Variants in ERC2 observed in about 807,000 individuals in gnomAD.
ERC2 encodes the protein ERC protein 2.
In ERC2, 42 loss-of-function variants were observed where a neutral mutation model predicts 114.8. The ratio of observed to expected loss-of-function variants is 0.37; its 90% CI spans 0.29 to 0.47. The LOEUF is 0.47. Ranked by LOEUF, ERC2 falls within the 20% of genes least tolerant of loss-of-function variation. ERC2 has a pLI of 0.99. For synonymous variants in ERC2, 454 were observed against 425.5 expected, an observed-to-expected ratio of 1.07 and a Z score of -0.82; for missense variants, 939 against 1,150.7, an observed-to-expected ratio of 0.82 and a Z score of 2.66.
intron 3 of ERC2, among the ~76,000 whole-genome samples, chr3:56,212,166 G>A (rs1164555586): frequency 6.6e-6 from 1 of 151,996 alleles, no homozygotes; most frequent in Non-Finnish European, 1.5e-5. Flanking sequence ...AATAAACAGA[G>A]AACTGACAGA....
At chr3:55,628,336 C>T (rs1225017504) in intron 17 of ERC2, among the ~76,000 whole-genome samples, 2 of 112,936 alleles carry the variant, frequency 1.8e-5, no homozygotes, top group African/African-American at 3.8e-5. Context: ...ACTAGTGTGA[C>T]TGAGAAACTG....
At chr3:56,002,736 G>A (rs1576521094) in intron 10 of ERC2, among the ~76,000 whole-genome samples, 1 of 152,148 alleles carries the variant, frequency 6.6e-6, no homozygotes, top group African/African-American at 2.4e-5. Context: ...ATATTGAATT[G>A]TTTGCTATTT....
chr3:55,742,261 C>A (rs999443376), intron 14 of ERC2, among the ~76,000 whole-genome samples: 4 of 152,146 alleles, frequency 2.6e-5, no homozygotes, highest in African/African-American at 9.7e-5. Context: ...TTATCACAGT[C>A]CATTTAAAAG....
chr3:56,436,536 T>C (rs1244471260), intron 1 of ERC2, among the ~76,000 whole-genome samples: 1 of 152,176 alleles, frequency 6.6e-6, no homozygotes, highest in Admixed American at 6.5e-5. Context: ...CTTAGAGAAA[T>C]TGTTCCCAAC....
At chr3:56,075,948 C>T (rs1347220254) in intron 7 of ERC2, among the ~76,000 whole-genome samples, 5 of 152,024 alleles carry the variant, frequency 3.3e-5, no homozygotes, top group Non-Finnish European at 7.4e-5. Flanking sequence ...CCAGAAGAAA[C>T]TCAGTAATCC....
rs1174593214 is a variant in ERC2 at position 55,891,428 on chromosome 3, T to C, written c.2404-2879A>G. The stretch of plus-strand genomic sequence containing the variant: ...CTGGCCTATCTTCACTGGTGAACTG[T>C]CTGGTTCTATTTTTTTTTTTTTTTT... On this transcript the variant is annotated intron_variant, in intron 13 of 17. Coordinates refer to ENST00000288221, the MANE Select transcript of ERC2 (RefSeq NM_015576.3). 5.4e-5 allele frequency among the ~76,000 whole-genome samples: 8 copies of C among 149,460 alleles called. No individual in the cohort carries two copies. The South Asian group carries it at 1.5e-3, about 28-fold the overall frequency.
At chr3:55,926,021 A>G (rs973265341) in intron 13 of ERC2, among the ~76,000 whole-genome samples, 6 of 152,222 alleles carry the variant, frequency 3.9e-5, no homozygotes, top group Non-Finnish European at 5.9e-5. Flanking sequence ...CATATTTCCA[A>G]TGACCCACCC....
At chr3:56,187,938 G>A (rs1164849418) in intron 3 of ERC2, among the ~76,000 whole-genome samples, 1 of 152,158 alleles carries the variant, frequency 6.6e-6, no homozygotes, top group Non-Finnish European at 1.5e-5. Flanking sequence ...CCCCAAAGGA[G>A]ATGACACTCA....
intron 14 of ERC2, among the ~76,000 whole-genome samples, chr3:55,829,137 A>C (rs572180333): frequency 6.6e-6 from 1 of 152,290 alleles, no homozygotes; most frequent in East Asian, 1.9e-4. Flanking sequence ...TCTCAAAAAA[A>C]ATTTAGAATC....
chr3:56,177,663 G>A (rs1168450797), intron 3 of ERC2, among the ~76,000 whole-genome samples: 1 of 152,164 alleles, frequency 6.6e-6, no homozygotes, highest in Non-Finnish European at 1.5e-5. Flanking sequence ...ACTTTGGGCT[G>A]ATAACCACTT....
At chr3:56,467,208 T>C (rs1177515094) in intron 1 of ERC2, 1 of 152,264 alleles carries the variant, frequency 6.6e-6, no homozygotes, top group African/African-American at 2.4e-5. Context: ...CCATGACAAG[T>C]GGGAGCTGCC....
chr3:56,199,827 A>G (rs1406001024), intron 3 of ERC2, among the ~76,000 whole-genome samples: 3 of 152,098 alleles, frequency 2.0e-5, no homozygotes, highest in Admixed American at 6.6e-5. Context: ...GCTTTTTAAG[A>G]GCACCACTCT....
intron 2 of ERC2, among the ~76,000 whole-genome samples, chr3:56,357,354 A>G (rs78294057): frequency 0.04 from 6,107 of 152,290 alleles, 168 homozygotes; most frequent in Middle Eastern, 0.12. Context: ...ACGTGAGCCA[A>G]TGAGCTTTGA....
intron 1 of ERC2, among the ~76,000 whole-genome samples, chr3:56,443,952 C>A (rs559474639): frequency 2.0e-5 from 2 of 100,004 alleles, no homozygotes; most frequent in African/African-American, 7.3e-5. Context: ...TTTAAAAATA[C>A]CTACAATTTT....
intron 3 of ERC2, among the ~76,000 whole-genome samples, chr3:56,215,985 T>G (rs1203367582): frequency 1.3e-5 from 2 of 151,938 alleles, no homozygotes; most frequent in African/African-American, 4.8e-5. Flanking sequence ...CTGGGACACA[T>G]TTAAAGCAGT....
chr3:55,921,562 T>C (rs11916416), intron 13 of ERC2, among the ~76,000 whole-genome samples: 40,737 of 151,988 alleles, frequency 0.27, 5,752 homozygotes, highest in Admixed American at 0.35. Flanking sequence ...AAAAATGAGA[T>C]GCTGAGACAA....
Position 56,467,637 on chromosome 3 carries a change from C to T in ERC2, c.-141+611G>A, listed in dbSNP as rs571914702. Among the ~76,000 whole-genome samples the T allele has an allele frequency of 7.9e-5, 12 of 152,028 alleles. No individual in the cohort carries two copies. In the East Asian group the frequency reaches 2.3e-3, roughly 30 times the overall value. ...ATGGGGAGGAGGAGAGAAGGGATGC[C>T]GTTCAGTTCAATTTCACATCGTATT... On this transcript the variant is annotated intron_variant, in intron 1 of 17. Transcript: ENST00000288221.
At chr3:55,929,921 C>T (rs1326224075) in intron 13 of ERC2, among the ~76,000 whole-genome samples, 1 of 152,146 alleles carries the variant, frequency 6.6e-6, no homozygotes, top group Admixed American at 6.6e-5. Context: ...AACTGTGAGG[C>T]AATTAAACTT....
chr3:55,543,681 A>C (rs2054549931), intron 17 of ERC2, among the ~76,000 whole-genome samples: 1 of 152,162 alleles, frequency 6.6e-6, no homozygotes, highest in Non-Finnish European at 1.5e-5. Flanking sequence ...TTGGCTGGGG[A>C]CGGATTCACC....
Sources: gnomAD v4.1 joint callset for allele counts (sites outside exome capture counted in the v4.1 genomes callset) on GRCh38, gnomAD v4.1.1 for gene constraint, MANE v1.5 for transcripts, NCBI Gene and HGNC (gene_info 2026-07-23, HGNC 2026-07-21) for gene names.